Variants in TP53I11 observed in about 807,000 individuals in gnomAD.
TP53I11 encodes tumor protein p53-inducible protein 11.
TP53I11 carries 9 observed loss-of-function variants against 23.3 expected under a neutral mutation model. That is an observed-to-expected ratio of 0.39 (90% confidence interval 0.23 to 0.67). The LOEUF (loss-of-function observed/expected upper bound fraction) is 0.67, where lower values mean the gene tolerates loss of function less well. Ranked by LOEUF, TP53I11 falls within the 30% of genes least tolerant of loss-of-function variation. TP53I11 has a pLI of 0.48. For missense variants in TP53I11, 170 were observed against 255.2 expected (o/e 0.67, Z 2.27); for synonymous variants, 100 against 106.1 (o/e 0.94, Z 0.35).
At chr11:44,938,878 A>G (rs1590756107) in intron 1 of TP53I11, among the ~76,000 whole-genome samples, 1 of 151,972 alleles carries the variant, frequency 6.6e-6, no homozygotes, top group Non-Finnish European at 1.5e-5. Flanking sequence ...CCCCCTTCAA[A>G]CCTGCCAAGA....
Position 44,945,422 on chromosome 11 carries a change from C to T in TP53I11, c.-32+5255G>A, listed in dbSNP as rs368483695. On this transcript the variant is annotated intron_variant, in intron 1 of 6. Transcript: ENST00000525680. ...TAAGTGGCAGAGCTGGAATTCAAGCCAAGGTAACTGTTCTTTAACTGGACA... is the reference window on the plus strand; with the variant it reads ...TAAGTGGCAGAGCTGGAATTCAAGCTAAGGTAACTGTTCTTTAACTGGACA... 1.0e-3 allele frequency among the ~76,000 whole-genome samples: 159 copies of T among 152,148 alleles called. 1 individual carries two copies. The highest frequency in any genetic ancestry group is 3.7e-3 in the African/African-American group (152 of 41,494).
At position 44,942,976 on chromosome 11, in the gene TP53I11, G is replaced by A. The variant is rs575108694; in HGVS notation, c.-31-4610C>T. On this transcript the variant is annotated intron_variant, in intron 1 of 6. Transcript: ENST00000525680. ...CTCCAGGTGTTTATTTCAGGCCTAA[G>A]TGAGGACAGAAGACTCCACCGTGCA... 2.6e-5 allele frequency among the ~76,000 whole-genome samples: 4 copies of A among 152,326 alleles called. No individual in the cohort carries two copies. In the East Asian group the frequency reaches 7.7e-4, roughly 29 times the overall value.
chr11:44,942,231 ACCACACACCACACACAC>A (rs1286075067), intron 1 of TP53I11, among the ~76,000 whole-genome samples: 9 of 121,706 alleles, frequency 7.4e-5, no homozygotes, highest in South Asian at 2.8e-4. Flanking sequence ...CCACACACCT[ACCACACACCACACACAC>A]CCACACACTA....
chr11:44,940,573 T>C (rs1861648896), intron 1 of TP53I11: 1 of 152,230 alleles, frequency 6.6e-6, no homozygotes, highest in Non-Finnish European at 1.5e-5. Flanking sequence ...CAAGTCACTG[T>C]GTGTATCAAG....
In TP53I11 at chr11:44,933,027, G is replaced by GT. The variant is rs1354206186; in HGVS notation, c.*1856_*1857insA. 1 of 152,678 alleles carries GT rather than the reference G, an allele frequency of 6.5e-6. No individual in the cohort carries two copies. The highest frequency in any genetic ancestry group is 6.5e-5 in the Admixed American group (1 of 15,296). The allele number at this position is 152,678 out of a possible 1,614,324, so 9.5% of individuals were successfully genotyped here. ...CTGCCCATTGGCGGCACCACCTGTG[G>GT]GCAGCAGCGGGAGGCAGTGGTGGCT... On this transcript the variant is annotated 3_prime_UTR_variant, in exon 7 of 7. Transcript: ENST00000525680.
Position 44,942,087 on chromosome 11 carries a change from A to G in TP53I11, c.-31-3721T>C, listed in dbSNP as rs1299555860. ...CACATACCACACACACACCATACAA[A>G]CTACACACACCACACAATACGTGCA... On this transcript the variant is annotated intron_variant, in intron 1 of 6. Coordinates refer to ENST00000525680, the MANE Select transcript of TP53I11 (RefSeq NM_006034.5). 7.6e-3 allele frequency among the ~76,000 whole-genome samples: 42 copies of G among 5,522 alleles called. 1 individual carries two copies. Among genetic ancestry groups the G allele is most frequent in the Admixed American group, 0.071 (37 of 520 alleles). The allele number at this position is 5,522 out of a possible 152,430, so 3.6% of individuals were successfully genotyped here.
rs1861141343 is a variant in TP53I11 at position 44,936,642 on chromosome 11, C to T, written c.334+161G>A. 7.4e-7 allele frequency: 1 copy of T among 1,345,272 alleles called. No individual in the cohort carries two copies. The highest frequency in any genetic ancestry group is 1.5e-5 in the African/African-American group (1 of 65,878). The allele number at this position is 1,345,272 out of a possible 1,614,324, so 83.3% of individuals were successfully genotyped here. A position where few individuals can be genotyped will look rare whatever the true frequency, so the allele number is the denominator to read the frequency against. On this transcript the variant is annotated intron_variant, in intron 5 of 6. Coordinates refer to ENST00000525680, the MANE Select transcript of TP53I11 (RefSeq NM_006034.5). This position sits in a 1 kb window ranked among gnomAD's most constrained non-coding sequence, Gnocchi z 4.4. ...CACCAATGGCCACAAGATGGCAGCA[C>T]ATCCCCAGCAGAGAGCTTCATCAGA...
At chr11:44,937,858 A>G (rs1375384607) in intron 2 of TP53I11, among the ~76,000 whole-genome samples, 1 of 152,240 alleles carries the variant, frequency 6.6e-6, no homozygotes, top group Non-Finnish European at 1.5e-5. Context: ...TGCCAAATGC[A>G]GACTTGAAGC....
rs1590718220 is a variant in TP53I11, at chr11:44,932,484, G to C, written c.*2400C>G. 6.6e-6 allele frequency: 1 copy of C among 152,400 alleles called. No homozygotes were observed. Among genetic ancestry groups the C allele is most frequent in the East Asian group, 1.9e-4 (1 of 5,192 alleles). 9.4% of individuals were successfully genotyped at this position (152,400 alleles called of 1,614,324 possible). On this transcript the variant is annotated 3_prime_UTR_variant, in exon 7 of 7. Transcript: ENST00000525680. ...GGGGCGAGGCAGAAGCTTGACAAGA[G>C]GCTGCTGATGGCTGGAGGGAGCTGG...
intron 1 of TP53I11, chr11:44,943,047 T>G (rs531534875): frequency 6.6e-6 from 1 of 152,048 alleles, no homozygotes; most frequent in Non-Finnish European, 1.5e-5. Context: ...TGGGTTTGAG[T>G]CTTGGCTCTG....
Position 44,935,677 on chromosome 11 carries a change from GAAAA to G in TP53I11, c.335-19_335-16del. ...CAGGGAGATGCCTGGGGCGGGGGATGAAAAGGGGGCTGGGGGTGGGACAGCTGAC... is the reference window on the plus strand; with the variant it reads ...CAGGGAGATGCCTGGGGCGGGGGATGGGGGGCTGGGGGTGGGACAGCTGAC... On this transcript the variant is annotated splice_polypyrimidine_tract_variant and intron_variant, in intron 5 of 6. Coordinates refer to ENST00000525680, the MANE Select transcript of TP53I11 (RefSeq NM_006034.5). 31 of 575,000 alleles carry G rather than the reference GAAAA, an allele frequency of 5.4e-5. No individual in the cohort carries two copies. Among genetic ancestry groups the G allele is most frequent in the East Asian group, 9.6e-5 (2 of 20,866 alleles). The allele number at this position is 575,000 out of a possible 1,614,324, so 35.6% of individuals were successfully genotyped here.
At chr11:44,950,446 G>A (rs557796120) in intron 1 of TP53I11, among the ~76,000 whole-genome samples, 1 of 152,140 alleles carries the variant, frequency 6.6e-6, no homozygotes, top group Non-Finnish European at 1.5e-5. Context: ...GGAGACGGAA[G>A]GGGCTGCGGG....
intron 1 of TP53I11, chr11:44,939,234 T>TC (rs1861510318): frequency 6.6e-6 from 1 of 152,244 alleles, no homozygotes; most frequent in Non-Finnish European, 1.5e-5. Flanking sequence ...AGGTGAAGCC[T>TC]CAGAGGCTGG....
chr11:44,942,062 C>A (rs1328743813), intron 1 of TP53I11, among the ~76,000 whole-genome samples: 3 of 138,114 alleles, frequency 2.2e-5, no homozygotes, highest in African/African-American at 9.6e-5. Context: ...ACACACCACA[C>A]ACATACCACA....
intron 1 of TP53I11, among the ~76,000 whole-genome samples, chr11:44,943,343 G>T (rs940703868): frequency 6.6e-6 from 1 of 152,194 alleles, no homozygotes; most frequent in Non-Finnish European, 1.5e-5. Flanking sequence ...AAGGGCCCCC[G>T]GGGGTTTCCC....
In TP53I11 at chr11:44,933,035, C is replaced by CAGTGGTGCCTGT. The variant is rs758333517; in HGVS notation, c.*1848_*1849insACAGGCACCACT. ...TGGCGGCACCACCTGTGGGCAGCAG[C>CAGTGGTGCCTGT]GGGAGGCAGTGGTGGCTCGTGGCCA... On this transcript the variant is annotated 3_prime_UTR_variant, in exon 7 of 7. Transcript: ENST00000525680. 6.1e-5 allele frequency: 1 copy of CAGTGGTGCCTGT among 16,494 alleles called. No homozygotes were observed. Among genetic ancestry groups the CAGTGGTGCCTGT allele is most frequent in the Non-Finnish European group, 1.3e-4 (1 of 7,558 alleles). 1.0% of individuals were successfully genotyped at this position (16,494 alleles called of 1,614,324 possible). A position where few individuals can be genotyped will look rare whatever the true frequency, so the allele number is the denominator to read the frequency against.
intron 1 of TP53I11, among the ~76,000 whole-genome samples, chr11:44,941,868 C>T (rs2135467642): frequency 6.6e-6 from 1 of 152,250 alleles, no homozygotes; most frequent in African/African-American, 2.4e-5. Flanking sequence ...GTGTCCACGG[C>T]CCACCTCCGA....
In TP53I11 at chr11:44,934,823, A is replaced by G; in HGVS notation, c.*61T>C. ...TCCTGCCTTCCAGGAGCCAAAGGGA[A>G]GCCGAGGCCCCAGCGCCACTCTGGC... On this transcript the variant is annotated 3_prime_UTR_variant, in exon 7 of 7. Coordinates refer to ENST00000525680, the MANE Select transcript of TP53I11 (RefSeq NM_006034.5). 1.2e-6 allele frequency: 2 copies of G among 1,602,844 alleles called. No homozygotes were observed. Among genetic ancestry groups the G allele is most frequent in the Non-Finnish European group, 1.7e-6 (2 of 1,173,526 alleles).
At chr11:44,945,200 C>T (rs750872573) in intron 1 of TP53I11, among the ~76,000 whole-genome samples, 8 of 152,206 alleles carry the variant, frequency 5.3e-5, no homozygotes, top group Non-Finnish European at 1.0e-4. Flanking sequence ...GGCAGCACAC[C>T]TGTTCCTCCA....
Sources: gnomAD v4.1 joint callset for allele counts (sites outside exome capture counted in the v4.1 genomes callset) on GRCh38, gnomAD v4.1.1 for gene constraint, Gnocchi (gnomAD v3.1) non-coding constraint, MANE v1.5 for transcripts, NCBI Gene and HGNC (gene_info 2026-07-23, HGNC 2026-07-21) for gene names.